Variants in RIPOR3 observed in about 807,000 individuals in gnomAD.
RIPOR3 encodes RIPOR family member 3.
RIPOR3 carries 95 observed loss-of-function variants against 114.3 expected under a neutral mutation model. That is an observed-to-expected ratio of 0.83 (90% CI 0.70 to 0.99). RIPOR3 has a LOEUF of 0.99. Among genes scored for constraint, RIPOR3 ranks in the 50% least tolerant of loss-of-function variants. RIPOR3 has a pLI of 0.00. For missense variants in RIPOR3, 1,252 were observed against 1,266.9 expected, an observed-to-expected ratio of 0.99 and a Z score of 0.18; for synonymous variants, 575 against 543.8, an observed-to-expected ratio of 1.06 and a Z score of -0.80.
intron 1 of RIPOR3, among the ~76,000 whole-genome samples, chr20:50,677,368 T>C (rs1488523910): frequency 1.6e-4 from 1 of 6,370 alleles, no homozygotes; most frequent in African/African-American, 2.3e-4. Context: ...CTTGTTTTAC[T>C]TTTTTTTTTT....
chr20:50,647,086 G>A (rs1287337367), intron 1 of RIPOR3, among the ~76,000 whole-genome samples: 3 of 152,252 alleles, frequency 2.0e-5, no homozygotes, highest in East Asian at 1.9e-4. Context: ...TTCGGAGGCC[G>A]AGGCGGACGG....
intron 1 of RIPOR3, among the ~76,000 whole-genome samples, chr20:50,667,011 C>T (rs1055017644): frequency 3.9e-5 from 6 of 152,146 alleles, no homozygotes; most frequent in Non-Finnish European, 8.8e-5. Flanking sequence ...ATGCTTCTAT[C>T]CCTCCTAACC....
chr20:50,609,958 CACTGCCTCA>C lies in RIPOR3; in HGVS notation c.427-245_427-237del, dbSNP rs1465275400. On this transcript the variant is annotated intron_variant, in intron 6 of 21. Transcript: ENST00000327979. The stretch of plus-strand genomic sequence containing the variant: ...CTGCCTCACCTGCCTCACCTGCCAC[CACTGCCTCA>C]CCTGCCACCCCTACCACCCCTGCCT... Among the ~76,000 whole-genome samples the C allele has an allele frequency of 7.1e-4, 103 of 144,658 alleles. 9 individuals carry two copies. The highest frequency in any genetic ancestry group is 7.4e-3 in the Middle Eastern group (2 of 272). 94.9% of individuals were successfully genotyped at this position (144,658 alleles called of 152,430 possible).
rs999134374 is a variant in RIPOR3 at position 50,670,436 on chromosome 20, G to A, written c.3+20690C>T. 3.7e-5 allele frequency among the ~76,000 whole-genome samples: 5 copies of A among 133,354 alleles called. No homozygotes were observed. The Admixed American group carries it at 4.9e-4, about 13-fold the overall frequency. 87.5% of individuals were successfully genotyped at this position (133,354 alleles called of 152,430 possible). ...GGAGCAGAAGGAAATTTGAGACCAAGCATTACCTAAAGGCCTAAAGTACTG... is the reference window on the plus strand; with the variant it reads ...GGAGCAGAAGGAAATTTGAGACCAAACATTACCTAAAGGCCTAAAGTACTG... On this transcript the variant is annotated intron_variant, in intron 1 of 21. Coordinates refer to ENST00000327979, the MANE Select transcript of RIPOR3 (RefSeq NM_001290268.2).
chr20:50,660,188 T>G (rs1407207577), intron 1 of RIPOR3: 2 of 152,196 alleles, frequency 1.3e-5, no homozygotes, highest in Non-Finnish European at 2.9e-5. Context: ...AGTGGCTGGA[T>G]CAAGCTTCAC....
At chr20:50,630,579 C>G (rs888300634) in intron 2 of RIPOR3, among the ~76,000 whole-genome samples, 159 bp downstream of exon 2, 3 of 130,122 alleles carry the variant, frequency 2.3e-5, no homozygotes, top group African/African-American at 4.7e-5. Context: ...CAATCTCTCT[C>G]TCTCTCTCTC....
At chr20:50,637,953 A>G (rs58442528) in intron 1 of RIPOR3, among the ~76,000 whole-genome samples, 29,751 of 151,108 alleles carry the variant, frequency 0.2, 4,376 homozygotes, top group African/African-American at 0.42. Context: ...TTGTTATGTC[A>G]CCCAGGCTGG....
rs753788865 is a variant in RIPOR3 at position 50,602,449 on chromosome 20, C to A, written c.1282G>T (p.Asp428Tyr). Residue 428 changes from aspartate to tyrosine, a missense_variant, in exon 13 of 22, where the codon GAT becomes TAT. Transcript: ENST00000327979. This position sits in a 1 kb window ranked among gnomAD's most constrained non-coding sequence, Gnocchi z 4.3. ...AAGGTCAAGGGCAGGAAGCCCACAT[C>A]TGAGGTGGACGCCGACGTGCTGGTC... ...TETSTSASTS[D>Y]VGFLPLTFGP... The A allele has an allele frequency of 3.2e-6, 5 of 1,577,978 alleles. No individual in the cohort carries two copies. Among genetic ancestry groups the A allele is most frequent in the South Asian group, 2.3e-5 (2 of 87,842 alleles).
intron 1 of RIPOR3, among the ~76,000 whole-genome samples, chr20:50,670,178 A>G (rs1433806378): frequency 2.0e-5 from 3 of 151,674 alleles, no homozygotes; most frequent in Non-Finnish European, 2.9e-5. Context: ...AAAAAAAAAA[A>G]AAGAAGAGGG....
intron 21 of RIPOR3, 69 bp downstream of exon 21, chr20:50,587,733 T>C: frequency 1.4e-6 from 2 of 1,462,550 alleles, no homozygotes; most frequent in South Asian, 1.2e-5. Flanking sequence ...GAGAGCTGGG[T>C]GTGGCCTCTC....
At chr20:50,601,962 A>G (rs2083509817) in intron 13 of RIPOR3, 110 bp downstream of exon 13, 1 of 1,096,234 alleles carries the variant, frequency 9.1e-7, no homozygotes, top group Non-Finnish European at 1.3e-6. Flanking sequence ...CAGGTCACGC[A>G]GAGGTGAGGC....
intron 1 of RIPOR3, among the ~76,000 whole-genome samples, chr20:50,664,205 G>A (rs1041645436): frequency 5.3e-5 from 8 of 152,166 alleles, no homozygotes; most frequent in Non-Finnish European, 8.8e-5. Context: ...GGCACTATAG[G>A]CGTGAGCCAC....
chr20:50,631,130 G>C (rs1325734456), intron 1 of RIPOR3, among the ~76,000 whole-genome samples: 1 of 152,136 alleles, frequency 6.6e-6, no homozygotes, highest in Admixed American at 6.5e-5. Context: ...CTGCCTCCCA[G>C]AGCAAGGGGA....
Position 50,596,072 on chromosome 20 carries a change from T to A in RIPOR3, c.1914+68A>T, listed in dbSNP as rs1475494735. 1.9e-6 allele frequency: 3 copies of A among 1,601,734 alleles called. No individual in the cohort carries two copies. In the Admixed American group the frequency reaches 5.0e-5, roughly 27 times the overall value. On this transcript the variant is annotated intron_variant, in intron 15 of 21. Coordinates refer to ENST00000327979, the MANE Select transcript of RIPOR3 (RefSeq NM_001290268.2). ...TTCATGCTTCCCACCACCTTCAAGA[T>A]GAGCCTTTGCAAAGAGGACTCCAAA...
chr20:50,645,371 G>C (rs561325258), intron 1 of RIPOR3: 1 of 152,386 alleles, frequency 6.6e-6, no homozygotes, highest in African/African-American at 2.4e-5. Flanking sequence ...CTGTGTCTGC[G>C]GATTCTCCCA....
intron 1 of RIPOR3, among the ~76,000 whole-genome samples, chr20:50,654,347 A>T (rs1204324800): frequency 6.8e-6 from 1 of 147,044 alleles, no homozygotes; most frequent in African/African-American, 2.5e-5. Flanking sequence ...TTGTATTTTT[A>T]GTAGAGATGG....
Position 50,587,253 on chromosome 20 carries a change from A to G in RIPOR3, c.2832T>C (p.Asp944=), listed in dbSNP as rs1213766914. 2.5e-6 allele frequency: 4 copies of G among 1,613,990 alleles called. No individual in the cohort carries two copies. The highest frequency in any genetic ancestry group is 1.3e-5 in the African/African-American group (1 of 74,952). ...EQREVFCQEA[D]VEITIF is the part of the protein sequence containing the mutation. ...TTTTTTAAAATATTGTGATTTCAAC[A>G]TCTGCCTCCTGGCAAAAGACTTCTC... The change falls in exon 22 of 22, where the codon GAT becomes GAC. Residue 944 remains aspartate (D), a synonymous_variant. Coordinates refer to ENST00000327979, the MANE Select transcript of RIPOR3 (RefSeq NM_001290268.2).
intron 1 of RIPOR3, among the ~76,000 whole-genome samples, chr20:50,650,925 G>T (rs974091949): frequency 6.6e-6 from 1 of 152,140 alleles, no homozygotes; most frequent in Non-Finnish European, 1.5e-5. Flanking sequence ...GATTAGCCTG[G>T]GTGGGCCTGA....
intron 11 of RIPOR3, among the ~76,000 whole-genome samples, chr20:50,607,362 T>C (rs541647197): frequency 6.8e-6 from 1 of 148,014 alleles, no homozygotes; most frequent in South Asian, 2.1e-4. Context: ...TGGCCCGTGA[T>C]GCTCAGCCTG....
Sources: gnomAD v4.1 joint callset for allele counts (sites outside exome capture counted in the v4.1 genomes callset) on GRCh38, gnomAD v4.1.1 for gene constraint, Gnocchi (gnomAD v3.1) non-coding constraint, MANE v1.5 for transcripts, NCBI Gene and HGNC (gene_info 2026-07-23, HGNC 2026-07-21) for gene names.